PDAP1: variants seen among roughly 807,000 people sequenced by gnomAD.
The protein encoded by PDAP1 is 28 kDa heat- and acid-stable phosphoprotein.
Under a neutral mutation model 28.0 loss-of-function variants are expected in PDAP1, and 13 were observed. That is an observed-to-expected ratio of 0.46 (90% CI 0.30 to 0.74). PDAP1 has a LOEUF of 0.74. PDAP1 is among the 30% of genes least tolerant of loss of function. The probability of loss-of-function intolerance (pLI) is 0.07; values close to 1 mark genes in which losing one functional copy is unlikely to be tolerated. For synonymous variants in PDAP1, 77 were observed against 85.1 expected (o/e 0.91, Z 0.52); for missense variants, 150 against 230.0 (o/e 0.65, Z 2.25).
chr7:99,400,135 T>C (rs928745898), intron 4 of PDAP1, among the ~76,000 whole-genome samples, 168 bp downstream of exon 4: 1 of 152,214 alleles, frequency 6.6e-6, no homozygotes, highest in Non-Finnish European at 1.5e-5. Context: ...CATGTATCAA[T>C]TGGTGAAAAC....
At chr7:99,402,573 CAAAAA>C (rs58448407) in intron 3 of PDAP1, among the ~76,000 whole-genome samples, 228 of 56,634 alleles carry the variant, frequency 4.0e-3, no homozygotes, top group Non-Finnish European at 7.7e-3. Flanking sequence ...GACCCTGTCT[CAAAAA>C]AAAAAAAAAA....
intron 3 of PDAP1, among the ~76,000 whole-genome samples, chr7:99,402,743 G>A (rs1210363723): frequency 1.3e-5 from 2 of 151,590 alleles, no homozygotes; most frequent in African/African-American, 2.4e-5. Flanking sequence ...TTAGCCCGGC[G>A]TGGTGGCAGG....
At chr7:99,402,616 C>T (rs1314831336) in intron 3 of PDAP1, among the ~76,000 whole-genome samples, 1 of 147,872 alleles carries the variant, frequency 6.8e-6, no homozygotes, top group Non-Finnish European at 1.5e-5. Context: ...GGGCTAGTGG[C>T]TCACGCTTAT....
chr7:99,404,980 C>T (rs1008550555), intron 1 of PDAP1, 27 bp from the exon 2 acceptor site: 37 of 1,567,070 alleles, frequency 2.4e-5, no homozygotes, highest in Middle Eastern at 3.3e-4. Context: ...TTTAGGTGAG[C>T]GGAAGCAGCT....
At chr7:99,401,413 C>T (rs1409721430) in intron 3 of PDAP1, among the ~76,000 whole-genome samples, 1 of 151,962 alleles carries the variant, frequency 6.6e-6, no homozygotes, top group Non-Finnish European at 1.5e-5. Flanking sequence ...ACCACAACCT[C>T]GGTCTCCTGG....
At chr7:99,397,798 T>C (rs1003569698) in intron 5 of PDAP1, 64 bp downstream of exon 5, 56 of 1,581,632 alleles carry the variant, frequency 3.5e-5, no homozygotes, top group Non-Finnish European at 4.7e-5. Flanking sequence ...ACGAGTTCAG[T>C]GCTTTGTGGC....
intron 2 of PDAP1, among the ~76,000 whole-genome samples, chr7:99,404,217 G>A (rs565300357): frequency 6.6e-6 from 1 of 152,282 alleles, no homozygotes; most frequent in Admixed American, 6.5e-5. Context: ...CGTCACAGCT[G>A]TGTACCCATC....
At position 99,396,418 on chromosome 7, in the gene PDAP1, A is replaced by C. The variant is rs1794760934; in HGVS notation, c.*264T>G. 1.9e-6 allele frequency: 1 copy of C among 540,104 alleles called. No homozygotes were observed. The highest frequency in any genetic ancestry group is 3.3e-6 in the Non-Finnish European group (1 of 299,876). 33.5% of individuals were successfully genotyped at this position (540,104 alleles called of 1,614,324 possible). A position where few individuals can be genotyped will look rare whatever the true frequency, so the allele number is the denominator to read the frequency against. On this transcript the variant is annotated 3_prime_UTR_variant, in exon 6 of 6. Transcript: ENST00000350498. ...CCCCAGCAAGGGCTCTGAATTCTAAAAACAGCAAAAACATTCAAATGGTTA... is the reference window on the plus strand; with the variant it reads ...CCCCAGCAAGGGCTCTGAATTCTAACAACAGCAAAAACATTCAAATGGTTA...
intron 4 of PDAP1, among the ~76,000 whole-genome samples, chr7:99,398,315 G>A (rs1356595086): frequency 1.3e-5 from 2 of 152,244 alleles, no homozygotes; most frequent in Admixed American, 6.5e-5. Context: ...AGGCTCTGGC[G>A]GCCATGGAGA....
chr7:99,403,624 C>T, intron 2 of PDAP1, 119 bp from the exon 3 acceptor site: 1 of 753,946 alleles, frequency 1.3e-6, no homozygotes, highest in Non-Finnish European at 2.4e-6. Context: ...AGGCTGGAAC[C>T]AAGGATGACA....
chr7:99,402,726 C>T (rs940285294), intron 3 of PDAP1, among the ~76,000 whole-genome samples: 1 of 151,028 alleles, frequency 6.6e-6, no homozygotes, highest in African/African-American at 2.4e-5. Context: ...ACTAAAAATA[C>T]AAAAAATTAG....
intron 1 of PDAP1, 79 bp downstream of exon 1, chr7:99,408,457 C>A: frequency 7.9e-7 from 1 of 1,272,270 alleles, no homozygotes; most frequent in African/African-American, 1.6e-5. Context: ...CTCAGAGACG[C>A]GCACGGGCTG....
At chr7:99,403,961 C>T (rs1794924396) in intron 2 of PDAP1, among the ~76,000 whole-genome samples, 1 of 152,196 alleles carries the variant, frequency 6.6e-6, no homozygotes, top group African/African-American at 2.4e-5. Context: ...GCAAGTCATC[C>T]CCCCGACCCA....
rs946625102 is a variant in PDAP1 at position 99,396,598 on chromosome 7, C to T, written c.*84G>A. Reference sequence around the variant, plus strand: ...TGGCCATGAGGGGCTGTTGCAGCGGCGCCAGGGCACAGGGTGGGCGAGACA... The same window carrying T: ...TGGCCATGAGGGGCTGTTGCAGCGGTGCCAGGGCACAGGGTGGGCGAGACA... On this transcript the variant is annotated 3_prime_UTR_variant, in exon 6 of 6. Coordinates refer to ENST00000350498, the MANE Select transcript of PDAP1 (RefSeq NM_014891.7). The T allele has an allele frequency of 2.3e-5, 24 of 1,060,004 alleles. No individual in the cohort carries two copies. Among genetic ancestry groups the T allele is most frequent in the East Asian group, 1.2e-4 (4 of 32,698 alleles). 65.7% of individuals were successfully genotyped at this position (1,060,004 alleles called of 1,614,324 possible).
Position 99,396,034 on chromosome 7 carries a change from G to T in PDAP1, c.*648C>A, listed in dbSNP as rs1030800495. 6.5e-6 allele frequency: 1 copy of T among 152,978 alleles called. No homozygotes were observed. The highest frequency in any genetic ancestry group is 2.4e-5 in the African/African-American group (1 of 41,462). 9.5% of individuals were successfully genotyped at this position (152,978 alleles called of 1,614,324 possible). A position where few individuals can be genotyped will look rare whatever the true frequency, so the allele number is the denominator to read the frequency against. On this transcript the variant is annotated 3_prime_UTR_variant, in exon 6 of 6. Transcript: ENST00000350498. ...GCCAAATATACAAGTTGAATTTGTG[G>T]AGCATGTTTTGCCTGGGTGCCACAC...
chr7:99,401,811 C>G (rs1357830706), intron 3 of PDAP1, among the ~76,000 whole-genome samples: 2 of 151,624 alleles, frequency 1.3e-5, no homozygotes, highest in East Asian at 3.9e-4. Context: ...ATTCTCCTGC[C>G]TCAGCCTCCC....
intron 1 of PDAP1, among the ~76,000 whole-genome samples, chr7:99,406,940 G>C (rs1426794761): frequency 6.6e-6 from 1 of 151,988 alleles, no homozygotes; most frequent in Admixed American, 6.6e-5. Flanking sequence ...AGTGTGCCAA[G>C]AAAAAAACCA....
chr7:99,407,532 T>C (rs1181353591), intron 1 of PDAP1, among the ~76,000 whole-genome samples: 1 of 152,200 alleles, frequency 6.6e-6, no homozygotes, highest in Non-Finnish European at 1.5e-5. Flanking sequence ...GATGTTTCTG[T>C]GGGTTGAGTG....
intron 2 of PDAP1, 117 bp downstream of exon 2, chr7:99,404,745 C>T: frequency 4.2e-6 from 3 of 710,016 alleles, no homozygotes; most frequent in Non-Finnish European, 4.8e-6. Context: ...GCCCGCCCGA[C>T]CCCCACGTGC....
Sources: allele counts gnomAD v4.1 joint callset (sites outside exome capture counted in the v4.1 genomes callset), GRCh38; gene constraint gnomAD v4.1.1; transcripts MANE v1.5; gene names NCBI Gene and HGNC (gene_info 2026-07-23, HGNC 2026-07-21).